PTPRN2: variants seen among roughly 807,000 people sequenced by gnomAD.
PTPRN2 encodes the protein receptor-type tyrosine-protein phosphatase N2.
A neutral mutation model predicts 118.8 loss-of-function variants in PTPRN2; 74 were observed. The observed-to-expected ratio is 0.62, with a 90% CI of 0.52 to 0.76. The LOEUF (loss-of-function observed/expected upper bound fraction) is 0.76, where lower values mean the gene tolerates loss of function less well. Ranked by LOEUF, PTPRN2 falls within the 30% of genes least tolerant of loss-of-function variation. PTPRN2 has a pLI of 0.00. For missense variants in PTPRN2, 1,481 were observed against 1,394.4 expected (o/e 1.06, Z -0.99); for synonymous variants, 641 against 608.0 (o/e 1.05, Z -0.80).
chr7:158,505,001 A>C (rs1822640094), intron 1 of PTPRN2, among the ~76,000 whole-genome samples: 1 of 152,206 alleles, frequency 6.6e-6, no homozygotes. Context: ...TGAACCTTGA[A>C]ACCTCAGCTT....
At chr7:157,862,281 C>A (rs1291176542) in intron 12 of PTPRN2, among the ~76,000 whole-genome samples, 1 of 152,256 alleles carries the variant, frequency 6.6e-6, no homozygotes, top group Non-Finnish European at 1.5e-5. Flanking sequence ...AGGACTTCAA[C>A]ATATCTTTCT....
At chr7:158,121,845 G>C (rs1307895213) in intron 9 of PTPRN2, among the ~76,000 whole-genome samples, 2 of 152,214 alleles carry the variant, frequency 1.3e-5, no homozygotes, top group African/African-American at 4.8e-5. Flanking sequence ...CGGCCAGGTG[G>C]GCAGGGGCAT....
chr7:157,720,123 A>C (rs919939542), intron 12 of PTPRN2, among the ~76,000 whole-genome samples: 1 of 152,226 alleles, frequency 6.6e-6, no homozygotes, highest in African/African-American at 2.4e-5. Context: ...ATTCGCTTAT[A>C]GGAGCAATTT....
rs1489187967 is a variant in PTPRN2 at position 157,801,189 on chromosome 7, C to T, written c.1788+97484G>A. Among the ~76,000 whole-genome samples, 1 of 152,044 alleles carries T rather than the reference C, an allele frequency of 6.6e-6. No individual in the cohort carries two copies. The highest frequency in any genetic ancestry group is 1.5e-5 in the Non-Finnish European group (1 of 68,030). On this transcript the variant is annotated intron_variant, in intron 12 of 22. Transcript: ENST00000389418. This position sits in a 1 kb window ranked among gnomAD's most constrained non-coding sequence, Gnocchi z 4.2. ...TCACAATGCGTCTTGTGCCTCTCAT[C>T]TGATTCCGCTACACGGTGCAAGTTA...
At chr7:157,559,519 A>T (rs1192800993) in intron 21 of PTPRN2, among the ~76,000 whole-genome samples, 1 of 152,098 alleles carries the variant, frequency 6.6e-6, no homozygotes, top group Non-Finnish European at 1.5e-5. Context: ...CTGTGTGGGG[A>T]GGGCAGCTGT....
At chr7:157,637,424 G>A (rs1361457187) in intron 14 of PTPRN2, among the ~76,000 whole-genome samples, 2 of 152,156 alleles carry the variant, frequency 1.3e-5, no homozygotes, top group Non-Finnish European at 2.9e-5. Flanking sequence ...TGGGGGAATC[G>A]GGGTGGCTCA....
At chr7:157,558,023 C>G (rs1798990855) in intron 21 of PTPRN2, among the ~76,000 whole-genome samples, 1 of 129,926 alleles carries the variant, frequency 7.7e-6, no homozygotes, top group Non-Finnish European at 1.7e-5. Context: ...GAGGTGCTGG[C>G]AGCATCAACG....
At chr7:158,338,087 C>A in intron 2 of PTPRN2, among the ~76,000 whole-genome samples, 1 of 7,904 alleles carries the variant, frequency 1.3e-4, no homozygotes, top group African/African-American at 2.2e-4. Flanking sequence ...ACACTCTCAC[C>A]ATAAGAGGTG....
chr7:158,149,697 A>C (rs1820738796), intron 6 of PTPRN2, among the ~76,000 whole-genome samples: 1 of 151,996 alleles, frequency 6.6e-6, no homozygotes, highest in Admixed American at 6.6e-5. Context: ...CCAGCTACTC[A>C]GGAGGCTAAG....
At position 158,544,826 on chromosome 7, in the gene PTPRN2, G is replaced by A. The variant is rs1776968188; in HGVS notation, c.112+42732C>T. Among the ~76,000 whole-genome samples, 1 of 152,192 alleles carries A rather than the reference G, an allele frequency of 6.6e-6. No homozygotes were observed. The highest frequency in any genetic ancestry group is 1.5e-5 in the Non-Finnish European group (1 of 68,024). On this transcript the variant is annotated intron_variant, in intron 1 of 22. Transcript: ENST00000389418. This position sits in a 1 kb window ranked among gnomAD's most constrained non-coding sequence, Gnocchi z 4.2. The stretch of plus-strand genomic sequence containing the variant: ...CTGTCTGGGGCACCTGTTGTCCTGG[G>A]GTTCAAAGCCGCTGCCACCTTCTTC...
intron 16 of PTPRN2, 27 bp from the exon 17 acceptor site, chr7:157,595,342 G>A (rs371996360): frequency 6.2e-6 from 10 of 1,604,608 alleles, no homozygotes; most frequent in African/African-American, 5.4e-5. Flanking sequence ...ACACCACAGC[G>A]GTTAGCCAGG....
intron 9 of PTPRN2, among the ~76,000 whole-genome samples, chr7:158,119,717 A>C (rs965768837): frequency 6.6e-6 from 1 of 152,116 alleles, no homozygotes; most frequent in Non-Finnish European, 1.5e-5. Context: ...TCATACTCTA[A>C]TTTATAAATT....
chr7:158,122,513 G>A (rs1817257881), intron 9 of PTPRN2, among the ~76,000 whole-genome samples: 1 of 152,170 alleles, frequency 6.6e-6, no homozygotes. Context: ...GACTACGGGA[G>A]TGTCACCCCT....
chr7:157,595,493 C>CAGGAGG (rs1801252205), intron 16 of PTPRN2, among the ~76,000 whole-genome samples, 178 bp from the exon 17 acceptor site: 2 of 143,874 alleles, frequency 1.4e-5, no homozygotes, highest in African/African-American at 5.3e-5. Flanking sequence ...GTTAGGAAGC[C>CAGGAGG]TGGTGTTTAG....
At chr7:158,083,517 C>G (rs1813004881) in intron 10 of PTPRN2, among the ~76,000 whole-genome samples, 1 of 152,188 alleles carries the variant, frequency 6.6e-6, no homozygotes, top group African/African-American at 2.4e-5. Flanking sequence ...TCTCTAAAGG[C>G]TGTGAGGAGG....
chr7:157,990,855 C>T lies in PTPRN2; in HGVS notation c.1723+90443G>A, dbSNP rs1804198493. Among the ~76,000 whole-genome samples, 1 of 152,152 alleles carries T rather than the reference C, an allele frequency of 6.6e-6. No homozygotes were observed. Among genetic ancestry groups the T allele is most frequent in the South Asian group, 2.1e-4 (1 of 4,828 alleles). The stretch of plus-strand genomic sequence containing the variant: ...AGGAGTGACCAGCCCAGTCCCAGCG[C>T]TTACCGAGGAGGACTGGGGAGGGGG... On this transcript the variant is annotated intron_variant, in intron 11 of 22. Transcript: ENST00000389418. The surrounding 1 kb of genome is among the most constrained non-coding windows in gnomAD (Gnocchi z 4.3).
chr7:158,064,916 G>A (rs1265121397), intron 11 of PTPRN2, among the ~76,000 whole-genome samples: 1 of 152,172 alleles, frequency 6.6e-6, no homozygotes, highest in Non-Finnish European at 1.5e-5. Context: ...TATGGATGAT[G>A]GATGCTTCAC....
At chr7:157,770,814 G>A (rs73744880) in intron 12 of PTPRN2, among the ~76,000 whole-genome samples, 1,971 of 152,266 alleles carry the variant, frequency 0.013, 35 homozygotes, top group African/African-American at 0.044. Context: ...ATTCTCTGAC[G>A]CACTTGCCCC....
chr7:158,533,604 G>A (rs550724106), intron 1 of PTPRN2, among the ~76,000 whole-genome samples: 18 of 152,304 alleles, frequency 1.2e-4, no homozygotes, highest in Admixed American at 9.1e-4. Flanking sequence ...GGGACGTCCC[G>A]CAGAGACCGT....
Sources: gnomAD v4.1 joint callset for allele counts (sites outside exome capture counted in the v4.1 genomes callset) on GRCh38, gnomAD v4.1.1 for gene constraint, Gnocchi (gnomAD v3.1) non-coding constraint, MANE v1.5 for transcripts, NCBI Gene and HGNC (gene_info 2026-07-23, HGNC 2026-07-21) for gene names.